The following ERC2 variants were observed in gnomAD, a reference collection of about 807,000 sequenced individuals.
ERC2 encodes the protein ERC protein 2.
In ERC2, 42 loss-of-function variants were observed where a neutral mutation model predicts 114.8. The observed-to-expected ratio is 0.37, with a 90% CI of 0.29 to 0.47. The LOEUF (loss-of-function observed/expected upper bound fraction) is 0.47, where lower values mean the gene tolerates loss of function less well. Among genes scored for constraint, ERC2 ranks in the 20% least tolerant of loss-of-function variants. The pLI is 0.99. For synonymous variants in ERC2, 454 were observed against 425.5 expected, an observed-to-expected ratio of 1.07 and a Z score of -0.82; for missense variants, 939 against 1,150.7, an observed-to-expected ratio of 0.82 and a Z score of 2.66.
chr3:55,823,610 A>G (rs2060213412), intron 14 of ERC2, among the ~76,000 whole-genome samples: 1 of 152,202 alleles, frequency 6.6e-6, no homozygotes, highest in Non-Finnish European at 1.5e-5. Flanking sequence ...ACTGGAATTG[A>G]GAAGCTTTCT....
intron 17 of ERC2, among the ~76,000 whole-genome samples, chr3:55,608,863 A>G (rs1219803731): frequency 1.3e-5 from 2 of 152,244 alleles, no homozygotes; most frequent in African/African-American, 4.8e-5. Flanking sequence ...GGATAAATTT[A>G]GACACTGGCT....
intron 14 of ERC2, among the ~76,000 whole-genome samples, chr3:55,738,213 C>T (rs7645378): frequency 0.028 from 4,247 of 151,956 alleles, 194 homozygotes; most frequent in African/African-American, 0.094. Flanking sequence ...TCATAGTTTT[C>T]GACATACAAA....
At chr3:56,280,853 G>C (rs1412933354) in intron 3 of ERC2, among the ~76,000 whole-genome samples, 1 of 152,192 alleles carries the variant, frequency 6.6e-6, no homozygotes, top group Non-Finnish European at 1.5e-5. Flanking sequence ...GTTACCCTGA[G>C]GAAGTTACAA....
intron 6 of ERC2, among the ~76,000 whole-genome samples, chr3:56,106,586 G>T (rs2078677976): frequency 6.6e-6 from 1 of 152,090 alleles, no homozygotes; most frequent in African/African-American, 2.4e-5. Flanking sequence ...TACATGTTTT[G>T]TTTTCTGGTT....
chr3:55,936,295 T>C (rs1357396418), intron 13 of ERC2, among the ~76,000 whole-genome samples: 1 of 152,186 alleles, frequency 6.6e-6, no homozygotes, highest in African/African-American at 2.4e-5. Context: ...TAATAACTCA[T>C]GTATTCAGTT....
intron 7 of ERC2, among the ~76,000 whole-genome samples, chr3:56,077,535 C>T (rs1391620831): frequency 1.3e-5 from 2 of 152,178 alleles, no homozygotes; most frequent in East Asian, 3.9e-4. Context: ...AAAACATTTG[C>T]ATTGGCAAAA....
chr3:56,314,092 T>C (rs532891831), intron 2 of ERC2, among the ~76,000 whole-genome samples: 1 of 152,270 alleles, frequency 6.6e-6, no homozygotes, highest in South Asian at 2.1e-4. Flanking sequence ...AGATTTGATT[T>C]ACTATCCCAA....
At chr3:56,210,001 A>G (rs2150119803) in intron 3 of ERC2, among the ~76,000 whole-genome samples, 1 of 152,322 alleles carries the variant, frequency 6.6e-6, no homozygotes, top group South Asian at 2.1e-4. Flanking sequence ...AGAAACCTTT[A>G]AAGTACTTTT....
chr3:56,184,139 A>G (rs1272674544), intron 3 of ERC2, among the ~76,000 whole-genome samples: 1 of 152,140 alleles, frequency 6.6e-6, no homozygotes, highest in Non-Finnish European at 1.5e-5. Flanking sequence ...ATCTGCATTA[A>G]AGACTTTTTC....
At chr3:56,440,649 C>T (rs1162935907) in intron 1 of ERC2, among the ~76,000 whole-genome samples, 2 of 151,838 alleles carry the variant, frequency 1.3e-5, no homozygotes, top group Non-Finnish European at 2.9e-5. Context: ...TTGAGGACAG[C>T]AGTTCAAAAC....
chr3:55,765,487 T>C (rs1193379134), intron 14 of ERC2, among the ~76,000 whole-genome samples: 2 of 152,208 alleles, frequency 1.3e-5, no homozygotes, highest in Non-Finnish European at 2.9e-5. Flanking sequence ...AAGAGAGCTA[T>C]TGTATTCCAC....
chr3:56,425,313 G>A (rs1318567178), intron 2 of ERC2, among the ~76,000 whole-genome samples: 2 of 152,174 alleles, frequency 1.3e-5, no homozygotes, highest in Non-Finnish European at 1.5e-5. Flanking sequence ...AAGTGAAGAT[G>A]TAAGGCTCTC....
At chr3:55,699,264 G>A (rs2063099191) in intron 16 of ERC2, 114 bp downstream of exon 16, 2 of 1,351,034 alleles carry the variant, frequency 1.5e-6, no homozygotes, top group African/African-American at 1.5e-5. Context: ...ATTAGTTTCA[G>A]TTCAAAGAAC....
intron 14 of ERC2, among the ~76,000 whole-genome samples, chr3:55,875,724 A>ACTCT (rs71887711): frequency 7.1e-6 from 1 of 141,102 alleles, no homozygotes; most frequent in African/African-American, 2.8e-5. Flanking sequence ...ACACACACAC[A>ACTCT]CTCTCTCTCT....
intron 14 of ERC2, among the ~76,000 whole-genome samples, chr3:55,752,308 G>A (rs1239537167): frequency 6.6e-6 from 1 of 152,156 alleles, no homozygotes. Flanking sequence ...ATGGTGTGCT[G>A]GAGCTGGCTG....
At chr3:56,035,897 G>A (rs2074763133) in intron 7 of ERC2, among the ~76,000 whole-genome samples, 1 of 151,918 alleles carries the variant, frequency 6.6e-6, no homozygotes, top group African/African-American at 2.4e-5. Flanking sequence ...AAGCCAACAA[G>A]AATACTACGA....
chr3:56,050,218 T>C (rs76650986), intron 7 of ERC2, among the ~76,000 whole-genome samples: 149 of 152,296 alleles, frequency 9.8e-4, no homozygotes, highest in African/African-American at 3.5e-3. Context: ...CTCAAGCTTT[T>C]TAAGTGACTA....
intron 2 of ERC2, among the ~76,000 whole-genome samples, chr3:56,300,571 G>A (rs2055804953): frequency 1.3e-5 from 2 of 152,194 alleles, no homozygotes; most frequent in Non-Finnish European, 1.5e-5. Flanking sequence ...GGTAAGGACA[G>A]ACCAGATCTA....
chr3:56,010,008 T>A (rs1370416046), intron 9 of ERC2, among the ~76,000 whole-genome samples: 3 of 152,084 alleles, frequency 2.0e-5, no homozygotes, highest in Non-Finnish European at 4.4e-5. Context: ...AATCTGAGAG[T>A]ATTGGGTGGT....
Sources: gnomAD v4.1 joint callset for allele counts (sites outside exome capture counted in the v4.1 genomes callset) on GRCh38, gnomAD v4.1.1 for gene constraint, MANE v1.5 for transcripts, NCBI Gene and HGNC (gene_info 2026-07-23, HGNC 2026-07-21) for gene names.